Variants in DCP1A observed in about 807,000 individuals in gnomAD.
DCP1A encodes decapping mRNA 1A.
Under a neutral mutation model 58.0 loss-of-function variants are expected in DCP1A, and 20 were observed. The ratio of observed to expected loss-of-function variants is 0.34; its 90% confidence interval spans 0.24 to 0.50. The LOEUF (loss-of-function observed/expected upper bound fraction) is 0.50. Among genes scored for constraint, DCP1A ranks in the 20% least tolerant of loss-of-function variants. The probability of loss-of-function intolerance (pLI) is 0.98; values close to 1 mark genes in which losing one functional copy is unlikely to be tolerated. For synonymous variants in DCP1A, 285 were observed against 275.1 expected, an observed-to-expected ratio of 1.04 and a Z score of -0.36; for missense variants, 613 against 712.2, an observed-to-expected ratio of 0.86 and a Z score of 1.59.
chr3:53,304,191 C>T lies in DCP1A; in HGVS notation c.610G>A (p.Gly204Arg), dbSNP rs373139513. 39 of 1,612,644 alleles carry T rather than the reference C, an allele frequency of 2.4e-5. No homozygotes were observed. Among genetic ancestry groups the T allele is most frequent in the African/African-American group, 5.3e-5 (4 of 74,870 alleles). Residue 204 changes from glycine to arginine, a missense_variant, in exon 6 of 10, where the codon GGG (glycine) becomes AGG (arginine). Gly to Arg is a moderately radical substitution (Grantham distance 125). Transcript: ENST00000610213. ...GCTGTACAAACCTTATCCTGTGACC[C>T]GGAGGGCATTTCTTCTAGAGTCTCG... Reference protein sequence around the residue: ...STETLEEMPSGSQDKSAPSGH... With the variant: ...STETLEEMPSRSQDKSAPSGH...
chr3:53,315,753 T>TG (rs1238283404), intron 4 of DCP1A, among the ~76,000 whole-genome samples: 6 of 109,024 alleles, frequency 5.5e-5, no homozygotes, highest in African/African-American at 7.6e-5. Context: ...TGTTTTTTTT[T>TG]TTTGTTTTTT....
chr3:53,347,509 C>G lies in DCP1A; in HGVS notation c.9G>C (p.Ala3=). 1.9e-6 allele frequency: 3 copies of G among 1,611,144 alleles called. No individual in the cohort carries two copies. The highest frequency in any genetic ancestry group is 2.5e-6 in the Non-Finnish European group (3 of 1,178,464). Residue 3 remains alanine, a synonymous_variant, in exon 1 of 10, where the codon GCG becomes GCC. Transcript: ENST00000610213. ME[A]LSRAGQEMSL... The stretch of plus-strand genomic sequence containing the variant: ...TCATCTCCTGCCCAGCTCGACTCAG[C>G]GCCTCCATCTTGAATCCCAGAGCCT...
At position 53,289,680 on chromosome 3, in the gene DCP1A, A is replaced by G. The variant is rs549150775; in HGVS notation, c.1449+1111T>C. 1.6e-4 allele frequency among the ~76,000 whole-genome samples: 25 copies of G among 152,184 alleles called. 1 individual carries two copies. Among genetic ancestry groups the G allele is most frequent in the African/African-American group, 5.8e-4 (24 of 41,522 alleles). The stretch of plus-strand genomic sequence containing the variant: ...TACTATTATAGATAGCAATGAGAAA[A>G]TTTCTTAAAATAAAGCTAACATCTA... On this transcript the variant is annotated intron_variant, in intron 8 of 9. Transcript: ENST00000610213.
chr3:53,343,672 C>T (rs1553692848), intron 2 of DCP1A, among the ~76,000 whole-genome samples: 2 of 152,164 alleles, frequency 1.3e-5, no homozygotes, highest in African/African-American at 4.8e-5. Flanking sequence ...AGTGCAGTGG[C>T]ACGACCTCGG....
rs2106777997 is a variant in DCP1A, at chr3:53,285,495, C to T, written c.*2085G>A. ...AAATTTGGGAGGTGAAACAGGTTTACCCTTTTCAAGTCTCCATGACTTGGG... is the reference window on the plus strand; with the variant it reads ...AAATTTGGGAGGTGAAACAGGTTTATCCTTTTCAAGTCTCCATGACTTGGG... On this transcript the variant is annotated 3_prime_UTR_variant, in exon 10 of 10. Coordinates refer to ENST00000610213, the MANE Select transcript of DCP1A (RefSeq NM_018403.7). 1 of 152,254 alleles carries T rather than the reference C, an allele frequency of 6.6e-6. No homozygotes were observed. The highest frequency in any genetic ancestry group is 1.5e-5 in the Non-Finnish European group (1 of 68,012). The allele number at this position is 152,254 out of a possible 1,614,324, so 9.4% of individuals were successfully genotyped here. A position where few individuals can be genotyped will look rare whatever the true frequency, so the allele number is the denominator to read the frequency against.
chr3:53,308,947 T>C (rs1707559299), intron 5 of DCP1A, among the ~76,000 whole-genome samples: 1 of 152,116 alleles, frequency 6.6e-6, no homozygotes, highest in Non-Finnish European at 1.5e-5. Context: ...AAAACTGTTT[T>C]GCAATTAAAC....
At chr3:53,302,748 C>T (rs1406953750) in intron 6 of DCP1A, among the ~76,000 whole-genome samples, 2 of 151,842 alleles carry the variant, frequency 1.3e-5, no homozygotes, top group Non-Finnish European at 2.9e-5. Flanking sequence ...CTCAGCTTCC[C>T]GAATAGCTGG....
In DCP1A at chr3:53,287,605, T is replaced by C. The variant is rs782571205; in HGVS notation, c.1724A>G (p.Lys575Arg). The C allele has an allele frequency of 1.9e-6, 3 of 1,611,958 alleles. No homozygotes were observed. In the South Asian group the frequency reaches 3.3e-5, roughly 18 times the overall value. ...LHEVYLQVLT[K>R]NKDNHNL ...TCATAGGTTGTGGTTGTCTTTGTTCTTGGTCAGAACCTGCAAGTAGACTTC... is the reference window on the plus strand; with the variant it reads ...TCATAGGTTGTGGTTGTCTTTGTTCCTGGTCAGAACCTGCAAGTAGACTTC... Residue 575 changes from lysine to arginine, a missense_variant, in exon 10 of 10, where the codon AAG becomes AGG. This residue lies in a region of DCP1A where 498 missense variants were observed against 556.7 expected (regional missense o/e 0.89). Transcript: ENST00000610213.
chr3:53,330,368 C>CA (rs1194208598), intron 3 of DCP1A, among the ~76,000 whole-genome samples: 1 of 151,914 alleles, frequency 6.6e-6, no homozygotes, highest in Non-Finnish European at 1.5e-5. Context: ...CCTATCACTA[C>CA]AAAAAATTTG....
At chr3:53,314,055 GTTTT>G (rs2106838940) in intron 4 of DCP1A, among the ~76,000 whole-genome samples, 1 of 151,532 alleles carries the variant, frequency 6.6e-6, no homozygotes, top group East Asian at 1.9e-4. Flanking sequence ...TTGTTTGTTT[GTTTT>G]ATTTATTTTT....
intron 3 of DCP1A, among the ~76,000 whole-genome samples, chr3:53,340,613 ACTTTTT>A (rs1261614310): frequency 6.2e-5 from 9 of 144,864 alleles, no homozygotes; most frequent in African/African-American, 1.3e-4. Flanking sequence ...ATTAACTTTT[ACTTTTT>A]AAGTTAGAAG....
chr3:53,306,050 G>A (rs1007034920), intron 5 of DCP1A, among the ~76,000 whole-genome samples: 63 of 152,122 alleles, frequency 4.1e-4, no homozygotes, highest in African/African-American at 1.5e-3. Flanking sequence ...CAAGATATGA[G>A]ATTTTTTTAA....
intron 3 of DCP1A, 92 bp downstream of exon 3, chr3:53,342,052 T>G (rs2089214197): frequency 8.7e-7 from 1 of 1,147,326 alleles, no homozygotes; most frequent in South Asian, 1.5e-5. Context: ...ATATTTTGTT[T>G]TGTAATTTGA....
intron 4 of DCP1A, among the ~76,000 whole-genome samples, chr3:53,315,357 G>A (rs531796470): frequency 6.6e-6 from 1 of 152,052 alleles, no homozygotes; most frequent in South Asian, 2.1e-4. Flanking sequence ...GGTCAAGATG[G>A]TGAAACCCTG....
chr3:53,342,322 G>T (rs989872305), intron 2 of DCP1A, 51 bp from the exon 3 acceptor site: 2 of 1,333,312 alleles, frequency 1.5e-6, no homozygotes, highest in Non-Finnish European at 2.1e-6. Context: ...TTAATCTGTA[G>T]AAATGTTATC....
rs571018292 is a variant in DCP1A, at chr3:53,296,400, T to C, written c.625-3573A>G. 1.1e-4 allele frequency among the ~76,000 whole-genome samples: 16 copies of C among 152,352 alleles called. No homozygotes were observed. In the South Asian group the frequency reaches 2.5e-3, roughly 24 times the overall value. On this transcript the variant is annotated intron_variant, in intron 6 of 9. Coordinates refer to ENST00000610213, the MANE Select transcript of DCP1A (RefSeq NM_018403.7). ...GGTAATATTTCAAACCCATTCCATC[T>C]AGGTCAAAATAGACAACAAATTCTC...
At chr3:53,325,377 CTGGAG>C (rs1708079343) in intron 3 of DCP1A, among the ~76,000 whole-genome samples, 1 of 152,090 alleles carries the variant, frequency 6.6e-6, no homozygotes, top group Admixed American at 6.5e-5. Flanking sequence ...TCTGAGGAGG[CTGGAG>C]ATTTTCTCAG....
intron 3 of DCP1A, among the ~76,000 whole-genome samples, chr3:53,325,104 T>C (rs1205416690): frequency 6.6e-6 from 1 of 152,236 alleles, no homozygotes; most frequent in African/African-American, 2.4e-5. Context: ...GAGTAAGAGT[T>C]TTCTATTTCC....
At chr3:53,321,474 C>G (rs1707964226) in intron 3 of DCP1A, among the ~76,000 whole-genome samples, 1 of 152,222 alleles carries the variant, frequency 6.6e-6, no homozygotes, top group Non-Finnish European at 1.5e-5. Context: ...AATCCCAACA[C>G]TTTGGGAGGC....
Sources: gnomAD v4.1 joint callset for allele counts (sites outside exome capture counted in the v4.1 genomes callset) on GRCh38, gnomAD v4.1.1 for gene constraint, gnomAD v4.1.1 regional missense constraint, MANE v1.5 for transcripts, NCBI Gene and HGNC (gene_info 2026-07-23, HGNC 2026-07-21) for gene names.